Variants in TSPAN15 observed in about 807,000 individuals in gnomAD.
TSPAN15 encodes tetraspanin 15, also known as tetraspanin-15.
TSPAN15 carries 20 observed loss-of-function variants against 34.5 expected under a neutral mutation model. That is an observed-to-expected ratio of 0.58 (90% confidence interval 0.41 to 0.84). The LOEUF (loss-of-function observed/expected upper bound fraction) is 0.84, where lower values mean the gene tolerates loss of function less well. Among genes scored for constraint, TSPAN15 ranks in the 40% least tolerant of loss-of-function variants. The pLI, the probability that TSPAN15 is intolerant of heterozygous loss-of-function variation, is 0.00. For missense variants in TSPAN15, 313 were observed against 386.1 expected, an observed-to-expected ratio of 0.81 and a Z score of 1.59; for synonymous variants, 155 against 153.9, an observed-to-expected ratio of 1.01 and a Z score of -0.05.
intron 3 of TSPAN15, chr10:69,494,631 T>C: frequency 1.0e-6 from 1 of 985,356 alleles, no homozygotes; most frequent in African/African-American, 1.7e-5. Context: ...GTTGGGAAGC[T>C]GAGGCCCAGA....
In TSPAN15 at chr10:69,493,904, C is replaced by T. The variant is rs377683201; in HGVS notation, c.358-1690C>T. On this transcript the variant is annotated intron_variant, in intron 3 of 7. Transcript: ENST00000373290. ...TGCTGGGATTACAGGCATGAGCCAC[C>T]GCGCCAGGCCTCCATCTCCTTCTTT... Among the ~76,000 whole-genome samples, 45 of 151,998 alleles carry T rather than the reference C, an allele frequency of 3.0e-4. No individual in the cohort carries two copies. In the East Asian group the frequency reaches 3.1e-3, roughly 10 times the overall value.
At chr10:69,481,036 C>T (rs909786616) in intron 1 of TSPAN15, among the ~76,000 whole-genome samples, 21 of 152,296 alleles carry the variant, frequency 1.4e-4, no homozygotes, top group African/African-American at 3.8e-4. Flanking sequence ...CATTGCTCTC[C>T]GAGGACCTGG....
chr10:69,533,622 C>T, the TSPAN15 span, among the ~76,000 whole-genome samples: 4 of 152,064 alleles, frequency 2.6e-5, no homozygotes, highest in Non-Finnish European at 4.4e-5. Flanking sequence ...AAATAACTTA[C>T]TCATGCAACC....
chr10:69,458,595 C>T (rs746198185), intron 1 of TSPAN15, among the ~76,000 whole-genome samples: 2 of 152,160 alleles, frequency 1.3e-5, no homozygotes, highest in Non-Finnish European at 2.9e-5. Flanking sequence ...AGTGGCCAGC[C>T]GTGCCTAACG....
At chr10:69,487,137 T>TA (rs1393020275) in intron 3 of TSPAN15, among the ~76,000 whole-genome samples, 1 of 149,722 alleles carries the variant, frequency 6.7e-6, no homozygotes, top group Non-Finnish European at 1.5e-5. Context: ...TGTGGCCAAC[T>TA]AAACAGACTC....
In TSPAN15 at chr10:69,483,830, T is replaced by G; in HGVS notation, c.236T>G (p.Ile79Ser). 6.2e-7 allele frequency: 1 copy of G among 1,614,170 alleles called. No individual in the cohort carries two copies. Among genetic ancestry groups the G allele is most frequent in the Non-Finnish European group, 8.5e-7 (1 of 1,180,026 alleles). ...LGVVMFMVSF[I>S]GVLASLRDNL... is the part of the protein sequence containing the mutation. ...GTCGTCATGTTCATGGTCTCCTTCA[T>G]TGGTGTGCTGGCGTCCCTCCGTGAC... The change falls in exon 2 of 8, where the codon ATT becomes AGT. Residue 79 changes from isoleucine (I) to serine (S), a missense_variant. By Grantham distance (142) the Ile-to-Ser change is moderately radical (BLOSUM62 -2). Coordinates refer to ENST00000373290, the MANE Select transcript of TSPAN15 (RefSeq NM_012339.5).
chr10:69,469,537 C>T (rs1169413383), intron 1 of TSPAN15, among the ~76,000 whole-genome samples: 1 of 152,144 alleles, frequency 6.6e-6, no homozygotes, highest in Middle Eastern at 3.2e-3. Context: ...ACTGCAACCT[C>T]TACCTCCCAG....
At chr10:69,484,040 A>G in intron 2 of TSPAN15, 164 bp downstream of exon 2, 1 of 606,228 alleles carries the variant, frequency 1.6e-6, no homozygotes, top group Non-Finnish European at 2.7e-6. Context: ...AAGAATGCCC[A>G]GGCCACCTCC....
chr10:69,458,881 C>T (rs1047576062), intron 1 of TSPAN15, among the ~76,000 whole-genome samples: 2 of 152,188 alleles, frequency 1.3e-5, no homozygotes, highest in African/African-American at 2.4e-5. Context: ...CTGGACCTTG[C>T]TGCCTTTGGG....
chr10:69,543,476 C>T, the TSPAN15 span, among the ~76,000 whole-genome samples: 1 of 152,166 alleles, frequency 6.6e-6, no homozygotes, highest in African/African-American at 2.4e-5. Flanking sequence ...GGTGTGGTGA[C>T]AACAGCAGTC....
At chr10:69,510,494 C>G (rs1842403588), downstream of TSPAN15, among the ~76,000 whole-genome samples, 1 of 152,220 alleles carries the variant, frequency 6.6e-6, no homozygotes, top group African/African-American at 2.4e-5. Context: ...ATGGAGTTTT[C>G]TAAATGTACA....
In TSPAN15 at chr10:69,462,155, G is replaced by GTTTTTT. The variant is rs755068937; in HGVS notation, c.96+10486_96+10491dup. Reference sequence around the variant, plus strand: ...GCCACCATACCTGGCTAATTTTAAAGTTTTTTTTTTTTTTTTTTTTTTTTT... The same window carrying GTTTTTT: ...GCCACCATACCTGGCTAATTTTAAAGTTTTTTTTTTTTTTTTTTTTTTTTTTTTTTT... On this transcript the variant is annotated intron_variant, in intron 1 of 7. Transcript: ENST00000373290. Among the ~76,000 whole-genome samples, 30 of 82,698 alleles carry GTTTTTT rather than the reference G, an allele frequency of 3.6e-4. 2 individuals carry two copies. Among genetic ancestry groups the GTTTTTT allele is most frequent in the African/African-American group, 4.1e-4 (9 of 22,144 alleles). 54.3% of individuals were successfully genotyped at this position (82,698 alleles called of 152,430 possible).
At chr10:69,520,809 GTT>G in the TSPAN15 span, among the ~76,000 whole-genome samples, 1 of 152,334 alleles carries the variant, frequency 6.6e-6, no homozygotes, top group East Asian at 1.9e-4. Flanking sequence ...TTGAGTTTCT[GTT>G]TTTGGTTCTT....
At chr10:69,466,951 G>A (rs927895190) in intron 1 of TSPAN15, among the ~76,000 whole-genome samples, 2 of 152,184 alleles carry the variant, frequency 1.3e-5, no homozygotes, top group African/African-American at 4.8e-5. Context: ...GTGGCCCAGC[G>A]CCTGCAGCTG....
chr10:69,496,722 C>G (rs145830298), intron 4 of TSPAN15, among the ~76,000 whole-genome samples: 1 of 152,338 alleles, frequency 6.6e-6, no homozygotes, highest in Non-Finnish European at 1.5e-5. Flanking sequence ...TAGCCTCTCC[C>G]CACATGCAGG....
chr10:69,511,997 G>A (rs944451287), downstream of TSPAN15, among the ~76,000 whole-genome samples: 4 of 152,108 alleles, frequency 2.6e-5, no homozygotes, highest in African/African-American at 9.7e-5. Flanking sequence ...TAGATGATGG[G>A]TTGATGGGTG....
At chr10:69,491,225 A>G (rs759667647) in intron 3 of TSPAN15, among the ~76,000 whole-genome samples, 12 of 152,114 alleles carry the variant, frequency 7.9e-5, no homozygotes, top group East Asian at 1.9e-4. Flanking sequence ...TTGGGCTTCT[A>G]TTGGGACTGG....
chr10:69,506,133 G>A lies in TSPAN15; in HGVS notation c.628G>A (p.Val210Met), dbSNP rs1842321511. The change falls in exon 7 of 8, where the codon GTG becomes ATG. Residue 210 changes from valine (V) to methionine (M), a missense_variant. Physicochemically the swap from Val to Met is conservative, Grantham distance 21. Transcript: ENST00000373290. This position sits in a 1 kb window ranked among gnomAD's most constrained non-coding sequence, Gnocchi z 4.7. The stretch of plus-strand genomic sequence containing the variant: ...GCTCCTTCCCATGCAGCGTTTCAGT[G>A]TGCAGGATGTCATCTACGTGCGGGG... ...YKTIDKERFS[V>M]QDVIYVRGCT... 3 of 1,614,030 alleles carry A rather than the reference G, an allele frequency of 1.9e-6. No individual in the cohort carries two copies. The highest frequency in any genetic ancestry group is 3.3e-5 in the Admixed American group (2 of 60,012).
chr10:69,526,790 A>C, the TSPAN15 span, among the ~76,000 whole-genome samples: 2 of 131,880 alleles, frequency 1.5e-5, no homozygotes, highest in African/African-American at 3.1e-5. Context: ...CTGTCTCAAA[A>C]AAAAAAAAAA....
Sources: gnomAD v4.1 joint callset for allele counts (sites outside exome capture counted in the v4.1 genomes callset) on GRCh38, gnomAD v4.1.1 for gene constraint, Gnocchi (gnomAD v3.1) non-coding constraint, MANE v1.5 for transcripts, NCBI Gene and HGNC (gene_info 2026-07-23, HGNC 2026-07-21) for gene names.